CACNB2: variants seen among roughly 807,000 people sequenced by gnomAD.
CACNB2 encodes the protein calcium voltage-gated channel auxiliary subunit beta 2.
In CACNB2, 42 loss-of-function variants were observed where a neutral mutation model predicts 73.3. That is an observed-to-expected ratio of 0.57 (90% confidence interval 0.45 to 0.74). CACNB2 has a LOEUF of 0.74. Ranked by LOEUF, CACNB2 falls within the 30% of genes least tolerant of loss-of-function variation. The pLI is 0.00. For synonymous variants in CACNB2, 348 were observed against 310.3 expected, an observed-to-expected ratio of 1.12 and a Z score of -1.28; for missense variants, 940 against 853.0, an observed-to-expected ratio of 1.10 and a Z score of -1.27.
intron 2 of CACNB2, among the ~76,000 whole-genome samples, chr10:18,349,242 G>A (rs542124789): frequency 5.1e-4 from 77 of 152,300 alleles, no homozygotes; most frequent in Non-Finnish European, 6.5e-4. Flanking sequence ...CCACTTGACC[G>A]CTTCTATTTG....
chr10:18,208,072 A>T (rs2131339268), intron 2 of CACNB2, among the ~76,000 whole-genome samples: 1 of 152,298 alleles, frequency 6.6e-6, no homozygotes, highest in Middle Eastern at 3.4e-3. Context: ...TTGTCAGAGG[A>T]ACTATAAAAA....
chr10:18,344,166 A>G (rs1031351213), intron 2 of CACNB2, among the ~76,000 whole-genome samples: 2 of 151,912 alleles, frequency 1.3e-5, no homozygotes, highest in African/African-American at 4.8e-5. Context: ...ATCACTCTTC[A>G]GATATAATTT....
At chr10:18,247,231 C>T (rs2036901027) in intron 2 of CACNB2, among the ~76,000 whole-genome samples, 1 of 152,172 alleles carries the variant, frequency 6.6e-6, no homozygotes, top group Admixed American at 6.5e-5. Context: ...GGGCTTCCTC[C>T]CATGCAGAGT....
intron 2 of CACNB2, among the ~76,000 whole-genome samples, chr10:18,372,401 C>T (rs1225917032): frequency 1.3e-5 from 2 of 152,000 alleles, no homozygotes; most frequent in Non-Finnish European, 2.9e-5. Flanking sequence ...GGAAGGGGTC[C>T]AGTTTCATTT....
At chr10:18,393,763 C>T (rs1425617114) in intron 2 of CACNB2, among the ~76,000 whole-genome samples, 2 of 152,124 alleles carry the variant, frequency 1.3e-5, no homozygotes, top group African/African-American at 4.8e-5. Flanking sequence ...TTTTCCGATT[C>T]TAATCTACTT....
chr10:18,160,368 CT>C (rs1356482355), intron 2 of CACNB2, among the ~76,000 whole-genome samples: 4 of 152,076 alleles, frequency 2.6e-5, no homozygotes, highest in African/African-American at 7.2e-5. Context: ...AGAATTCTTT[CT>C]GTAGTTACTT....
At chr10:18,457,271 A>G (rs981971907) in intron 3 of CACNB2, among the ~76,000 whole-genome samples, 1 of 152,038 alleles carries the variant, frequency 6.6e-6, no homozygotes, top group Non-Finnish European at 1.5e-5. Context: ...TTCATTTTCT[A>G]TAGAGACGGG....
rs535311327 is a variant in CACNB2, at chr10:18,514,385, A to C, written c.804+16A>C. The C allele has an allele frequency of 6.2e-7, 1 of 1,614,108 alleles. No homozygotes were observed. The highest frequency in any genetic ancestry group is 2.2e-5 in the East Asian group (1 of 44,876). On this transcript the variant is annotated intron_variant, in intron 7 of 13. Coordinates refer to ENST00000324631, the MANE Select transcript of CACNB2 (RefSeq NM_201596.3). ...CTTTAAGAAGGTAACATTAACTTCC[A>C]AGCTCCCATTGTCCACCTGCTCAAC...
intron 2 of CACNB2, chr10:18,401,092 GAT>G: frequency 6.2e-7 from 1 of 1,614,188 alleles, no homozygotes; most frequent in Non-Finnish European, 8.5e-7. Context: ...GAAGAATTCT[GAT>G]ATCTGTGTAA....
At chr10:18,421,283 G>A (rs190156226) in intron 3 of CACNB2, among the ~76,000 whole-genome samples, 5 of 150,822 alleles carry the variant, frequency 3.3e-5, no homozygotes, top group African/African-American at 1.2e-4. Context: ...TTACCAGTGT[G>A]GTTTTTTTTG....
chr10:18,237,127 A>G (rs1291608953), intron 2 of CACNB2, among the ~76,000 whole-genome samples: 2 of 152,188 alleles, frequency 1.3e-5, no homozygotes, highest in African/African-American at 4.8e-5. Context: ...GGGTAAATGC[A>G]TAGAGGTAGC....
intron 2 of CACNB2, among the ~76,000 whole-genome samples, chr10:18,230,555 A>G (rs1288813878): frequency 6.6e-6 from 1 of 152,220 alleles, no homozygotes; most frequent in Non-Finnish European, 1.5e-5. Context: ...GATATGTGGT[A>G]CTAAATAGGA....
chr10:18,260,364 T>C, intron 2 of CACNB2: 1 of 873,244 alleles, frequency 1.1e-6, no homozygotes, highest in Non-Finnish European at 1.4e-6. Context: ...TCTAATGAAT[T>C]AATGAGGTCT....
At chr10:18,194,118 A>G (rs1168587390) in intron 2 of CACNB2, among the ~76,000 whole-genome samples, 2 of 152,094 alleles carry the variant, frequency 1.3e-5, no homozygotes, top group Non-Finnish European at 2.9e-5. Context: ...CCAGACAGAG[A>G]TGCCCCATGC....
Position 18,516,226 on chromosome 10 carries a change from G to GA in CACNB2, c.804+1867dup, listed in dbSNP as rs34523438. 2.3e-3 allele frequency among the ~76,000 whole-genome samples: 344 copies of GA among 148,882 alleles called. 2 individuals carry two copies. Among genetic ancestry groups the GA allele is most frequent in the African/African-American group, 7.6e-3 (308 of 40,660 alleles). On this transcript the variant is annotated intron_variant, in intron 7 of 13. Transcript: ENST00000324631. ...CTAGATAACTCTGTCTCAAAAAAAAGAAAAAAAAAATCAAGCTAAATGGGG... is the reference window on the plus strand; with the variant it reads ...CTAGATAACTCTGTCTCAAAAAAAAGAAAAAAAAAAATCAAGCTAAATGGGG...
chr10:18,411,290 G>A (rs12267833), intron 3 of CACNB2, among the ~76,000 whole-genome samples: 23,038 of 152,038 alleles, frequency 0.15, 2,486 homozygotes, highest in African/African-American at 0.31. Context: ...AAGCCCGCTG[G>A]ACCTCTGTTA....
intron 3 of CACNB2, among the ~76,000 whole-genome samples, chr10:18,421,809 G>A (rs2045338423): frequency 6.6e-6 from 1 of 152,116 alleles, no homozygotes; most frequent in Non-Finnish European, 1.5e-5. Context: ...TTGCTAATAA[G>A]CCCAGCCTTT....
intron 2 of CACNB2, chr10:18,340,938 ACGC>A: frequency 6.2e-7 from 1 of 1,614,174 alleles, no homozygotes. Flanking sequence ...TGCTTGACAG[ACGC>A]CTTATAGCTC....
chr10:18,229,953 C>G (rs1432407240), intron 2 of CACNB2, among the ~76,000 whole-genome samples: 1 of 152,140 alleles, frequency 6.6e-6, no homozygotes, highest in Non-Finnish European at 1.5e-5. Context: ...TTCAAAACAG[C>G]AAGCATAGAG....
Sources: allele counts gnomAD v4.1 joint callset (sites outside exome capture counted in the v4.1 genomes callset), GRCh38; gene constraint gnomAD v4.1.1; transcripts MANE v1.5; gene names NCBI Gene and HGNC (gene_info 2026-07-23, HGNC 2026-07-21).